The following DHX34 variants were observed in gnomAD, a reference collection of about 807,000 sequenced individuals.
The protein encoded by DHX34 is DExH-box helicase 34.
Under a neutral mutation model 111.1 loss-of-function variants are expected in DHX34, and 96 were observed. That is an observed-to-expected ratio of 0.86 (90% CI 0.73 to 1.02). The LOEUF (loss-of-function observed/expected upper bound fraction) is 1.02, where lower values mean the gene tolerates loss of function less well. Among genes scored for constraint, DHX34 ranks in the 50% least tolerant of loss-of-function variants. DHX34 has a pLI of 0.00. For synonymous variants in DHX34, 688 were observed against 670.4 expected (o/e 1.03, Z -0.41); for missense variants, 1,560 against 1,579.9 (o/e 0.99, Z 0.21).
rs559882580 is a variant in DHX34, at chr19:47,352,932, A to G, written c.-99A>G. ...CTCTTTGAAGAGAAAGTAGTTCTCT[A>G]TTGCAGGCACTGGCCTCTTAAATTG... On this transcript the variant is annotated 5_prime_UTR_variant, in exon 2 of 17. Transcript: ENST00000328771. The G allele has an allele frequency of 9.6e-5, 141 of 1,472,028 alleles. 1 individual carries two copies. In the East Asian group the frequency reaches 2.6e-3, roughly 28 times the overall value. The allele number at this position is 1,472,028 out of a possible 1,614,324, so 91.2% of individuals were successfully genotyped here. A position where few individuals can be genotyped will look rare whatever the true frequency, so the allele number is the denominator to read the frequency against.
intron 5 of DHX34, among the ~76,000 whole-genome samples, chr19:47,360,273 A>C (rs555892228): frequency 1.3e-5 from 2 of 152,294 alleles, no homozygotes; most frequent in Non-Finnish European, 2.9e-5. Context: ...CAATTTTATT[A>C]TTTGAGTATG....
Position 47,353,338 on chromosome 19 carries a change from G to A in DHX34, c.308G>A (p.Arg103His), listed in dbSNP as rs140910004. The change falls in exon 2 of 17, where the codon CGT becomes CAT. Residue 103 changes from arginine to histidine, a missense_variant. Transcript: ENST00000328771. The surrounding 1 kb of genome is among the most constrained non-coding windows in gnomAD (Gnocchi z 4.6). Reference sequence around the variant, plus strand: ...GACCTACCTCGCACTTACGACCCACGTTACCGCATCAACCTCTCTGTTCTT... The same window carrying A: ...GACCTACCTCGCACTTACGACCCACATTACCGCATCAACCTCTCTGTTCTT... ...LADLPRTYDP[R>H]YRINLSVLGP... The A allele has an allele frequency of 1.4e-5, 23 of 1,614,006 alleles. No individual in the cohort carries two copies. Among genetic ancestry groups the A allele is most frequent in the East Asian group, 2.2e-5 (1 of 44,886 alleles).
At chr19:47,366,770 C>T (rs1969797495) in intron 6 of DHX34, 1 of 846,114 alleles carries the variant, frequency 1.2e-6, no homozygotes, top group Non-Finnish European at 1.4e-6. Context: ...GACGGGGTTT[C>T]ACCATGTTGG....
At position 47,366,971 on chromosome 19, in the gene DHX34, C is replaced by T. The variant is rs1474141096; in HGVS notation, c.1594-10C>T. 1 of 1,544,216 alleles carries T rather than the reference C, an allele frequency of 6.5e-7. No homozygotes were observed. Among genetic ancestry groups the T allele is most frequent in the Non-Finnish European group, 8.7e-7 (1 of 1,144,478 alleles). On this transcript the variant is annotated splice_polypyrimidine_tract_variant and intron_variant, in intron 6 of 16. Transcript: ENST00000328771. ...TTCCCCAATCTTGGGGGTTTTGCTT[C>T]TCATTCTAGATGAAGAGCATGAGTG...
At chr19:47,359,430 C>A (rs1247399201) in intron 4 of DHX34, among the ~76,000 whole-genome samples, 1 of 151,322 alleles carries the variant, frequency 6.6e-6, no homozygotes, top group Non-Finnish European at 1.5e-5. Context: ...CCACTGCACT[C>A]CATTGTAGGC....
At position 47,382,274 on chromosome 19, in the gene DHX34, C is replaced by T; in HGVS notation, c.*161C>T. ...CGGATTGTGAATAAAGCCTCACATG[C>T]TGATACACACTGTTAGGCCTGCACC... On this transcript the variant is annotated 3_prime_UTR_variant, in exon 17 of 17. Transcript: ENST00000328771. The T allele has an allele frequency of 7.8e-7, 1 of 1,276,900 alleles. No individual in the cohort carries two copies. Among genetic ancestry groups the T allele is most frequent in the Non-Finnish European group, 1.0e-6 (1 of 956,650 alleles). 79.1% of individuals were successfully genotyped at this position (1,276,900 alleles called of 1,614,324 possible). A position where few individuals can be genotyped will look rare whatever the true frequency, so the allele number is the denominator to read the frequency against.
intron 5 of DHX34, among the ~76,000 whole-genome samples, chr19:47,360,615 A>T (rs1032130568): frequency 3.9e-5 from 6 of 152,056 alleles, no homozygotes; most frequent in African/African-American, 7.2e-5. Context: ...TGTCTAAGAG[A>T]TATCCCCTCC....
intron 7 of DHX34, among the ~76,000 whole-genome samples, chr19:47,371,607 T>G (rs1261015535): frequency 1.3e-5 from 2 of 152,184 alleles, no homozygotes; most frequent in Non-Finnish European, 1.5e-5. Flanking sequence ...TTTTTGTTTG[T>G]TTGGTTTTTG....
chr19:47,351,449 G>C (rs1969285141), intron 1 of DHX34, among the ~76,000 whole-genome samples: 1 of 152,104 alleles, frequency 6.6e-6, no homozygotes, highest in Non-Finnish European at 1.5e-5. Context: ...TGGTGTAGCT[G>C]AGAAGTGGGG....
chr19:47,352,722 G>C, intron 1 of DHX34, 32 bp from the exon 2 acceptor site: 1 of 341,822 alleles, frequency 2.9e-6, no homozygotes. Context: ...GTTCCCAAAA[G>C]AGAATTAATG....
At chr19:47,366,891 A>G (rs2122280994) in intron 6 of DHX34, 90 bp from the exon 7 acceptor site, 1 of 1,412,100 alleles carries the variant, frequency 7.1e-7, no homozygotes, top group Non-Finnish European at 9.3e-7. Context: ...GGAATTTTAA[A>G]ACGTCATGAA....
rs760777111 is a variant in DHX34, at chr19:47,372,875, C to A, written c.1914C>A (p.Asp638Glu). The change falls in exon 8 of 17, where the codon GAC (aspartate) becomes GAA (glutamate). Residue 638 changes from aspartate to glutamate, a missense_variant. Physicochemically the swap from Asp to Glu is conservative, Grantham distance 45 (BLOSUM62 2). Coordinates refer to ENST00000328771, the MANE Select transcript of DHX34 (RefSeq NM_014681.6). ...CAAARRPLES[D>E]QGDPFTLFNV... ...CAGCACGGCGGCCGCTGGAGAGCGACCAGGGTGACCCCTTCACGCTCTTCA... is the reference window on the plus strand; with the variant it reads ...CAGCACGGCGGCCGCTGGAGAGCGAACAGGGTGACCCCTTCACGCTCTTCA... 3.7e-6 allele frequency: 6 copies of A among 1,609,754 alleles called. No homozygotes were observed. The highest frequency in any genetic ancestry group is 5.1e-6 in the Non-Finnish European group (6 of 1,179,568).
chr19:47,370,589 C>T (rs11883410), intron 7 of DHX34, among the ~76,000 whole-genome samples: 1,854 of 152,358 alleles, frequency 0.012, 42 homozygotes, highest in African/African-American at 0.042. Flanking sequence ...CCTTGCAGCA[C>T]AGCAGGGCTT....
intron 3 of DHX34, among the ~76,000 whole-genome samples, chr19:47,355,656 G>T (rs1969435219): frequency 6.6e-6 from 1 of 152,008 alleles, no homozygotes; most frequent in African/African-American, 2.4e-5. Context: ...AGACCATCCT[G>T]GCTAACATGG....
chr19:47,365,094 G>A (rs1969751333), intron 6 of DHX34, among the ~76,000 whole-genome samples: 1 of 151,938 alleles, frequency 6.6e-6, no homozygotes, highest in Non-Finnish European at 1.5e-5. Flanking sequence ...CCCCGCAATT[G>A]TCTAGGGTTG....
At chr19:47,360,462 A>C (rs922927961) in intron 5 of DHX34, among the ~76,000 whole-genome samples, 6 of 152,080 alleles carry the variant, frequency 3.9e-5, no homozygotes, top group African/African-American at 7.2e-5. Context: ...ACACCTTCCA[A>C]GCCTGCTTCT....
At chr19:47,376,130 T>A in intron 11 of DHX34, 33 bp downstream of exon 11, 1 of 1,525,562 alleles carries the variant, frequency 6.6e-7, no homozygotes. Context: ...CTATGTTTTG[T>A]CCTCCAACAC....
chr19:47,376,548 G>T lies in DHX34; in HGVS notation c.2587G>T (p.Asp863Tyr). 1 of 1,562,024 alleles carries T rather than the reference G, an allele frequency of 6.4e-7. No individual in the cohort carries two copies. ...HAQELEASNC[D>Y]GSRDDKDKMS... ...ACAGGAGCTGGAGGCCAGCAACTGC[G>T]ACGGAAGCCGAGGTACAGTGAGCCC... Residue 863 changes from aspartate to tyrosine, a missense_variant, in exon 12 of 17, where the codon GAC becomes TAC. Transcript: ENST00000328771.
At chr19:47,351,697 C>T (rs1055650131) in intron 1 of DHX34, among the ~76,000 whole-genome samples, 6 of 152,276 alleles carry the variant, frequency 3.9e-5, no homozygotes, top group Admixed American at 2.0e-4. Context: ...TCCTAGCAAC[C>T]GAGTGTAAAT....
Sources: gnomAD v4.1 joint callset for allele counts (sites outside exome capture counted in the v4.1 genomes callset) on GRCh38, gnomAD v4.1.1 for gene constraint, Gnocchi (gnomAD v3.1) non-coding constraint, MANE v1.5 for transcripts, NCBI Gene and HGNC (gene_info 2026-07-23, HGNC 2026-07-21) for gene names.